Variants in PTPRJ observed in about 807,000 individuals in gnomAD.
PTPRJ encodes the protein receptor-type tyrosine-protein phosphatase eta.
A neutral mutation model predicts 141.3 loss-of-function variants in PTPRJ; 129 were observed. The ratio of observed to expected loss-of-function variants is 0.91; its 90% CI spans 0.79 to 1.06. The LOEUF is 1.06. Ranked by LOEUF, PTPRJ falls within the 50% of genes least tolerant of loss-of-function variation. The pLI is 0.00. For missense variants in PTPRJ, 1,601 were observed against 1,679.7 expected, an observed-to-expected ratio of 0.95 and a Z score of 0.82; for synonymous variants, 610 against 640.5, an observed-to-expected ratio of 0.95 and a Z score of 0.72.
At chr11:47,989,612 T>TAA (rs978473861) in intron 1 of PTPRJ, among the ~76,000 whole-genome samples, 1 of 146,372 alleles carries the variant, frequency 6.8e-6, no homozygotes, top group Non-Finnish European at 1.5e-5. Flanking sequence ...CCCTGTTCAT[T>TAA]AAAAAAAAAA....
Position 48,137,298 on chromosome 11 carries a change from C to A in PTPRJ, c.2152+17C>A. 6.2e-7 allele frequency: 1 copy of A among 1,607,510 alleles called. No individual in the cohort carries two copies. On this transcript the variant is annotated intron_variant, in intron 10 of 24. Coordinates refer to ENST00000418331, the MANE Select transcript of PTPRJ (RefSeq NM_002843.4). ...TCTGTACAGGTGAGTGTAGCCCCAA[C>A]TGCCTCTTGGACTCCTCCCTGAGTG...
intron 1 of PTPRJ, among the ~76,000 whole-genome samples, chr11:48,063,133 G>A (rs982877786): frequency 6.6e-5 from 10 of 152,196 alleles, no homozygotes; most frequent in African/African-American, 2.4e-4. Context: ...TTTGAGACCA[G>A]CCTGGCCAAT....
chr11:48,064,719 T>G (rs1289295457), intron 1 of PTPRJ, among the ~76,000 whole-genome samples: 1 of 152,082 alleles, frequency 6.6e-6, no homozygotes, highest in East Asian at 1.9e-4. Flanking sequence ...TTCTCCTGCC[T>G]CAGCCTCCTG....
rs777452594 is a variant in PTPRJ, at chr11:48,163,527, G to A, written c.3628G>A (p.Asp1210Asn). ...CTCCTGGCCAGACCACGGTGTTCCC[G>A]ACACCACTGACCTGCTCATCAACTT... ...FTSWPDHGVP[D>N]TTDLLINFRY... The change falls in exon 23 of 25, where the codon GAC becomes AAC. Residue 1210 changes from aspartate (D) to asparagine (N), a missense_variant. Physicochemically the swap from Asp to Asn is conservative, Grantham distance 23. Coordinates refer to ENST00000418331, the MANE Select transcript of PTPRJ (RefSeq NM_002843.4). 6 of 1,613,702 alleles carry A rather than the reference G, an allele frequency of 3.7e-6. No individual in the cohort carries two copies. The highest frequency in any genetic ancestry group is 1.7e-5 in the Admixed American group (1 of 60,018).
chr11:48,086,735 C>T (rs1173182075), intron 1 of PTPRJ, among the ~76,000 whole-genome samples: 2 of 152,230 alleles, frequency 1.3e-5, no homozygotes, highest in African/African-American at 4.8e-5. Context: ...TCAAGGAAGA[C>T]ACTGTGTGTG....
chr11:48,049,691 G>A (rs564103965), intron 1 of PTPRJ, among the ~76,000 whole-genome samples: 1 of 149,094 alleles, frequency 6.7e-6, no homozygotes, highest in East Asian at 2.0e-4. Context: ...TCCAGCCTGG[G>A]CGACAATAGT....
intron 1 of PTPRJ, among the ~76,000 whole-genome samples, chr11:48,095,168 A>C (rs967708439): frequency 6.6e-6 from 1 of 152,212 alleles, no homozygotes; most frequent in South Asian, 2.1e-4. Flanking sequence ...ACAGGGGATT[A>C]TTTGAGCACA....
chr11:48,032,243 G>A (rs1854002992), intron 1 of PTPRJ, among the ~76,000 whole-genome samples: 1 of 152,134 alleles, frequency 6.6e-6, no homozygotes, highest in Admixed American at 6.5e-5. Flanking sequence ...CTCAGCTCTG[G>A]ACTTCAATGT....
intron 1 of PTPRJ, among the ~76,000 whole-genome samples, chr11:48,015,531 A>AAACC (rs1431603932): frequency 2.0e-5 from 3 of 152,098 alleles, no homozygotes; most frequent in Non-Finnish European, 4.4e-5. Context: ...GTATTATTCT[A>AAACC]AACCACCACA....
chr11:48,014,902 C>T, intron 1 of PTPRJ, among the ~76,000 whole-genome samples: 1 of 152,088 alleles, frequency 6.6e-6, no homozygotes, highest in East Asian at 1.9e-4. Context: ...AATGGGGTTT[C>T]ACCATGTTGG....
chr11:48,096,543 C>G (rs1387599353), intron 1 of PTPRJ, among the ~76,000 whole-genome samples: 1 of 152,100 alleles, frequency 6.6e-6, no homozygotes, highest in Non-Finnish European at 1.5e-5. Flanking sequence ...CCCCCACCCC[C>G]ACAACCTTGT....
chr11:48,003,213 CT>C (rs1317755142), intron 1 of PTPRJ, among the ~76,000 whole-genome samples: 1 of 152,118 alleles, frequency 6.6e-6, no homozygotes, highest in Non-Finnish European at 1.5e-5. Flanking sequence ...TTCATTTAGC[CT>C]TTTTCGTATT....
chr11:48,145,019 A>G lies in PTPRJ; in HGVS notation c.2806A>G (p.Thr936Ala). The change falls in exon 14 of 25, where the codon ACC becomes GCC. Residue 936 changes from threonine (T) to alanine (A), a missense_variant. Transcript: ENST00000418331. ...CCACAGGGCTTGTGTGGCTGGCTTCACCAACATTACCTTCCACCCTCAAAA... is the reference window on the plus strand; with the variant it reads ...CCACAGGGCTTGTGTGGCTGGCTTCGCCAACATTACCTTCCACCCTCAAAA... Reference protein sequence around the residue: ...GSYRACVAGFTNITFHPQNKG... With the variant: ...GSYRACVAGFANITFHPQNKG... 6.2e-7 allele frequency: 1 copy of G among 1,614,134 alleles called. No individual in the cohort carries two copies. The highest frequency in any genetic ancestry group is 8.5e-7 in the Non-Finnish European group (1 of 1,180,022).
intron 22 of PTPRJ, among the ~76,000 whole-genome samples, chr11:48,162,283 C>A (rs1857802336): frequency 6.6e-6 from 1 of 151,792 alleles, no homozygotes; most frequent in Non-Finnish European, 1.5e-5. Context: ...GCCCCTTTGC[C>A]CCTCCACGAA....
intron 1 of PTPRJ, among the ~76,000 whole-genome samples, chr11:47,999,758 G>T (rs1393686875): frequency 6.6e-6 from 1 of 152,142 alleles, no homozygotes; most frequent in African/African-American, 2.4e-5. Context: ...TTGTCTATGG[G>T]TATGTAGGGC....
chr11:48,008,756 G>A (rs1446042284), intron 1 of PTPRJ, among the ~76,000 whole-genome samples: 2 of 151,784 alleles, frequency 1.3e-5, no homozygotes, highest in Non-Finnish European at 2.9e-5. Flanking sequence ...ATAGAGGTGG[G>A]GTTTCACCAT....
intron 1 of PTPRJ, among the ~76,000 whole-genome samples, chr11:48,048,650 C>A (rs977952917): frequency 6.6e-6 from 1 of 151,956 alleles, no homozygotes; most frequent in Non-Finnish European, 1.5e-5. Flanking sequence ...AAAAATTAAC[C>A]GGGTGTGATG....
intron 1 of PTPRJ, among the ~76,000 whole-genome samples, chr11:48,012,829 G>A (rs1854841117): frequency 6.6e-6 from 1 of 152,104 alleles, no homozygotes; most frequent in African/African-American, 2.4e-5. Flanking sequence ...TCAAGGTTAG[G>A]CACGGTAGCT....
chr11:48,012,408 T>C (rs867222954), intron 1 of PTPRJ, among the ~76,000 whole-genome samples: 2 of 152,294 alleles, frequency 1.3e-5, no homozygotes, highest in African/African-American at 4.8e-5. Flanking sequence ...AGGATTTCCC[T>C]GAGCACCTGC....
Sources: allele counts gnomAD v4.1 joint callset (sites outside exome capture counted in the v4.1 genomes callset), GRCh38; gene constraint gnomAD v4.1.1; transcripts MANE v1.5; gene names NCBI Gene and HGNC (gene_info 2026-07-23, HGNC 2026-07-21).